CFAP92: variants seen among roughly 807,000 people sequenced by gnomAD.
CFAP92 encodes cilia and flagella associated protein 92 (putative).
In CFAP92, 86 loss-of-function variants were observed where a neutral mutation model predicts 106.3. That is an observed-to-expected ratio of 0.81 (90% CI 0.68 to 0.97). The LOEUF (loss-of-function observed/expected upper bound fraction) is 0.97. Ranked by LOEUF, CFAP92 falls within the 50% of genes least tolerant of loss-of-function variation. The pLI, the probability that CFAP92 is intolerant of heterozygous loss-of-function variation, is 0.00. For synonymous variants in CFAP92, 477 were observed against 506.4 expected (o/e 0.94, Z 0.78); for missense variants, 1,204 against 1,283.8 (o/e 0.94, Z 0.95).
upstream of CFAP92, among the ~76,000 whole-genome samples, chr3:129,006,894 AAAG>A (rs5852557): frequency 0.021 from 3,220 of 152,258 alleles, 115 homozygotes; most frequent in African/African-American, 0.072. Flanking sequence ...CTCACTCTGA[AAAG>A]AAGGAAAAGG....
At chr3:128,981,856 A>G (rs1422847700) in intron 4 of CFAP92, among the ~76,000 whole-genome samples, 2 of 152,218 alleles carry the variant, frequency 1.3e-5, no homozygotes, top group African/African-American at 2.4e-5. Flanking sequence ...CAGTCATATT[A>G]GAAAGGAGTC....
intron 7 of CFAP92, among the ~76,000 whole-genome samples, chr3:128,974,479 T>C (rs2107787070): frequency 6.6e-6 from 1 of 152,344 alleles, no homozygotes; most frequent in African/African-American, 2.4e-5. Context: ...TGCTTCTGCA[T>C]GAACGGATCC....
intron 7 of CFAP92, among the ~76,000 whole-genome samples, chr3:128,975,428 G>GATGA (rs1943083185): frequency 4.7e-5 from 1 of 21,498 alleles, no homozygotes; most frequent in South Asian, 1.1e-3. Context: ...GATGGATAGG[G>GATGA]ATGGATGGAT....
upstream of CFAP92, among the ~76,000 whole-genome samples, chr3:129,004,366 T>A: frequency 1.6e-5 from 1 of 62,576 alleles, no homozygotes; most frequent in Non-Finnish European, 3.1e-5. Context: ...GTCCATTCAC[T>A]CACCCCCCCC....
At chr3:128,993,699 T>C in intron 1 of CFAP92, 2 of 309,074 alleles carry the variant, frequency 6.5e-6, no homozygotes, top group Non-Finnish European at 1.3e-5. Context: ...CTGCTGCGCC[T>C]AAGCACAAGA....
At chr3:128,990,367 T>C (rs2107820278) in intron 2 of CFAP92, among the ~76,000 whole-genome samples, 1 of 152,180 alleles carries the variant, frequency 6.6e-6, no homozygotes, top group Non-Finnish European at 1.5e-5. Flanking sequence ...CATGGTGGCA[T>C]GTGCCTGTAG....
chr3:129,009,019 G>T, the CFAP92 span, among the ~76,000 whole-genome samples: 1 of 127,678 alleles, frequency 7.8e-6, no homozygotes, highest in African/African-American at 2.9e-5. Context: ...GGTGGGGGGC[G>T]GGGCGGGAAT....
chr3:128,920,907 C>T (rs1374182442), intron 12 of CFAP92, among the ~76,000 whole-genome samples: 1 of 152,200 alleles, frequency 6.6e-6, no homozygotes, highest in Non-Finnish European at 1.5e-5. Flanking sequence ...AATACGTTTC[C>T]CATTATCTCA....
chr3:128,916,247 C>T lies in CFAP92; in HGVS notation c.2776G>A (p.Val926Ile). The part of the protein sequence containing the change: ...IQKNITEAYQ[V>I]SKKPPKSVAK... Reference sequence around the variant, plus strand: ...ACGGACTTCGGAGGCTTCTTGCTGACCTGGTAGGCTTCTGTGATATTTTTC... The same window carrying T: ...ACGGACTTCGGAGGCTTCTTGCTGATCTGGTAGGCTTCTGTGATATTTTTC... The change falls in exon 13 of 16, where the codon GTC becomes ATC. Residue 926 changes from valine (V) to isoleucine (I), a missense_variant. Physicochemically the swap from Val to Ile is conservative, Grantham distance 29. Coordinates refer to ENST00000645291, the MANE Select transcript of CFAP92 (RefSeq NM_001394090.1). 8.1e-7 allele frequency: 1 copy of T among 1,232,120 alleles called. No homozygotes were observed. The highest frequency in any genetic ancestry group is 1.0e-6 in the Non-Finnish European group (1 of 987,990). The allele number at this position is 1,232,120 out of a possible 1,614,324, so 76.3% of individuals were successfully genotyped here.
intron 7 of CFAP92, among the ~76,000 whole-genome samples, chr3:128,972,630 T>G (rs950614038): frequency 7.3e-5 from 11 of 151,250 alleles, no homozygotes; most frequent in Admixed American, 5.9e-4. Context: ...CTGAGGCAAG[T>G]GGATCGCCTG....
intron 10 of CFAP92, 55 bp from the exon 11 acceptor site, chr3:128,935,374 G>T (rs1041125455): frequency 3.2e-6 from 4 of 1,232,782 alleles, no homozygotes; most frequent in Non-Finnish European, 4.4e-6. Flanking sequence ...CTGGGACACC[G>T]TGGTGAGGGT....
At chr3:128,986,821 T>G (rs1393153081) in intron 4 of CFAP92, among the ~76,000 whole-genome samples, 1 of 152,164 alleles carries the variant, frequency 6.6e-6, no homozygotes, top group African/African-American at 2.4e-5. Context: ...AAAGCCTGCA[T>G]CTTTCCATCC....
the CFAP92 span, among the ~76,000 whole-genome samples, chr3:129,009,706 G>A: frequency 7.9e-5 from 12 of 152,306 alleles, no homozygotes; most frequent in East Asian, 1.2e-3. Context: ...TCTGGAGCTC[G>A]CAGCCCAGTC....
chr3:129,002,161 G>T, intron 1 of CFAP92: 1 of 1,470,900 alleles, frequency 6.8e-7, no homozygotes. Flanking sequence ...CGCCTGCGCC[G>T]TCCGCGCCGC....
rs115301439 is a variant in CFAP92 at position 128,993,103 on chromosome 3, C to A, written c.202G>T (p.Asp68Tyr). 3.4e-3 allele frequency: 5,423 copies of A among 1,614,088 alleles called. 9 individuals are homozygous for A. The highest frequency in any genetic ancestry group is 4.0e-3 in the Non-Finnish European group (4,774 of 1,179,912). ...TTGCAGGGGACCACGTGGGGCACGT[C>A]GGAGCTGAAAGTGCTGGCAGGCTCA... ...SSEPASTFSS[D>Y]VPHVVPCKFT... The change falls in exon 2 of 16, where the codon GAC (aspartate) becomes TAC (tyrosine). Residue 68 changes from aspartate (D) to tyrosine (Y), a missense_variant. Coordinates refer to ENST00000645291, the MANE Select transcript of CFAP92 (RefSeq NM_001394090.1).
At chr3:128,989,569 G>A (rs551007754) in intron 2 of CFAP92, among the ~76,000 whole-genome samples, 84 of 152,250 alleles carry the variant, frequency 5.5e-4, no homozygotes, top group Non-Finnish European at 7.2e-4. Flanking sequence ...TTCTGCCAGA[G>A]TCCAGAGCCC....
At chr3:128,924,954 G>A (rs1312036331) in intron 12 of CFAP92, among the ~76,000 whole-genome samples, 2 of 152,150 alleles carry the variant, frequency 1.3e-5, no homozygotes, top group Non-Finnish European at 2.9e-5. Context: ...GACCTTCACA[G>A]CCTCCATACT....
At chr3:128,997,251 A>G (rs1026330136), upstream of CFAP92, among the ~76,000 whole-genome samples, 5 of 152,200 alleles carry the variant, frequency 3.3e-5, no homozygotes, top group Admixed American at 6.5e-5. Flanking sequence ...GGCAGCTGGA[A>G]GCATATTGGG....
chr3:128,911,335 G>A (rs977910913), intron 15 of CFAP92, among the ~76,000 whole-genome samples: 1 of 152,190 alleles, frequency 6.6e-6, no homozygotes, highest in Non-Finnish European at 1.5e-5. Context: ...TGGGATTACA[G>A]GCATGAGCCA....
Sources: gnomAD v4.1 joint callset for allele counts (sites outside exome capture counted in the v4.1 genomes callset) on GRCh38, gnomAD v4.1.1 for gene constraint, MANE v1.5 for transcripts, NCBI Gene and HGNC (gene_info 2026-07-23, HGNC 2026-07-21) for gene names.